The following NRAP variants were observed in gnomAD, a reference collection of about 807,000 sequenced individuals.
NRAP encodes the protein nebulin-related-anchoring protein.
A neutral mutation model predicts 225.9 loss-of-function variants in NRAP; 189 were observed. The observed-to-expected ratio is 0.84, with a 90% CI of 0.74 to 0.94. The LOEUF is 0.94. NRAP is among the 40% of genes least tolerant of loss of function. The pLI is 0.00. For missense variants in NRAP, 2,176 were observed against 2,168.7 expected (o/e 1.00, Z -0.07); for synonymous variants, 769 against 790.7 (o/e 0.97, Z 0.46).
At chr10:113,591,346 T>C (rs10885479) in intron 39 of NRAP, among the ~76,000 whole-genome samples, 39,126 of 152,168 alleles carry the variant, frequency 0.26, 5,269 homozygotes, top group East Asian at 0.45. Flanking sequence ...CAGTCCCATT[T>C]TGATTTGCTT....
Position 113,634,154 on chromosome 10 carries a change from T to C in NRAP, c.1485A>G (p.Pro495=), listed in dbSNP as rs766487558. 2 of 1,613,954 alleles carry C rather than the reference T, an allele frequency of 1.2e-6. No individual in the cohort carries two copies. Among genetic ancestry groups the C allele is most frequent in the Non-Finnish European group, 8.5e-7 (1 of 1,179,876 alleles). ...CATTGATTTTGGCTTGAACAATCTG[T>C]GGGGTGTCAGTCACCGAGCTGTACT... ...KLKYSSVTDT[P]QIVQAKINAQ... Residue 495 remains proline, a synonymous_variant, in exon 15 of 42, where the codon CCA becomes CCG. Transcript: ENST00000359988.
At chr10:113,658,155 T>C (rs1564765239) in intron 3 of NRAP, among the ~76,000 whole-genome samples, 1 of 152,222 alleles carries the variant, frequency 6.6e-6, no homozygotes, top group South Asian at 2.1e-4. Flanking sequence ...GTAAGTCAAG[T>C]GACCATATAC....
At chr10:113,641,243 CTT>C (rs1384755984) in intron 13 of NRAP, 120 bp downstream of exon 13, 16 of 637,656 alleles carry the variant, frequency 2.5e-5, no homozygotes, top group Non-Finnish European at 3.8e-5. Context: ...TTGGGTCAGT[CTT>C]TACACAGTCT....
intron 17 of NRAP, 97 bp from the exon 18 acceptor site, chr10:113,631,707 A>C (rs548990825): frequency 4.7e-5 from 43 of 921,008 alleles, no homozygotes; most frequent in South Asian, 2.2e-4. Context: ...AATTCTGAAA[A>C]AACACCTCCC....
Position 113,640,294 on chromosome 10 carries a change from T to A in NRAP, c.1361A>T (p.Asp454Val). Residue 454 changes from aspartate to valine, a missense_variant, in exon 14 of 42, where the codon GAC becomes GTC. Physicochemically the swap from Asp to Val is radical, Grantham distance 152 (BLOSUM62 -3). Around this residue, in one of 3 missense-constraint regions of NRAP, gnomAD observed 1,708 missense variants for 1,695.5 expected, o/e 1.01. Coordinates refer to ENST00000359988, the MANE Select transcript of NRAP (RefSeq NM_198060.4). ...YKADYKHDIV[D>V]YNYPATLTPS... ...CGTGAGAGTGGCTGGGTAGTTGTAG[T>A]CGACAATATCATGTTTATAATCAGC... 6.2e-7 allele frequency: 1 copy of A among 1,602,098 alleles called. No individual in the cohort carries two copies.
intron 21 of NRAP, among the ~76,000 whole-genome samples, 192 bp from the exon 22 acceptor site, chr10:113,625,122 G>A (rs1186689574): frequency 6.6e-6 from 1 of 152,152 alleles, no homozygotes; most frequent in African/African-American, 2.4e-5. Context: ...AAGCAGTGGG[G>A]AGGAGCTGGG....
chr10:113,590,712 C>G lies in NRAP; in HGVS notation c.4822G>C (p.Gly1608Arg), dbSNP rs758527572. ...TGGCTCCTCTTGGCCTGAAGGAGGC[C>G]GGGCTGGTCTGTGCTGCTGTGAAAC... is the stretch of plus-strand genomic sequence containing the variant. ...SQFHSSTDQP[G>R]LLQAKRSQQL... Residue 1608 changes from glycine to arginine, a missense_variant, in exon 40 of 42, where the codon GGC becomes CGC. Physicochemically the swap from Gly to Arg is moderately radical, Grantham distance 125. Around this residue, in one of 3 missense-constraint regions of NRAP, gnomAD observed 445 missense variants for 426.1 expected, o/e 1.04. Transcript: ENST00000359988. 2 of 1,614,036 alleles carry G rather than the reference C, an allele frequency of 1.2e-6. No individual in the cohort carries two copies. Among genetic ancestry groups the G allele is most frequent in the Non-Finnish European group, 1.7e-6 (2 of 1,180,036 alleles).
chr10:113,649,181 C>T (rs926395911), intron 9 of NRAP, among the ~76,000 whole-genome samples: 10 of 152,226 alleles, frequency 6.6e-5, no homozygotes, highest in Non-Finnish European at 1.3e-4. Context: ...AACCGACCTT[C>T]ACACACATCC....
At chr10:113,622,573 C>T (rs972956057) in intron 23 of NRAP, among the ~76,000 whole-genome samples, 4 of 152,000 alleles carry the variant, frequency 2.6e-5, no homozygotes, top group Admixed American at 6.6e-5. Context: ...AACACTAGGT[C>T]GAGAGTAACA....
intron 14 of NRAP, among the ~76,000 whole-genome samples, chr10:113,639,000 G>A (rs1174653084): frequency 6.6e-6 from 1 of 150,926 alleles, no homozygotes; most frequent in Non-Finnish European, 1.5e-5. Flanking sequence ...CTACTTATTA[G>A]GCATGATTTA....
intron 8 of NRAP, 80 bp downstream of exon 8, chr10:113,650,358 C>A: frequency 9.4e-7 from 1 of 1,060,536 alleles, no homozygotes; most frequent in South Asian, 1.3e-5. Flanking sequence ...ATGCAAAAGT[C>A]AACAGGAAGT....
chr10:113,616,238 G>A (rs148961761), intron 26 of NRAP, among the ~76,000 whole-genome samples: 8 of 152,172 alleles, frequency 5.3e-5, no homozygotes, highest in South Asian at 2.1e-4. Context: ...CCGTTCCCCC[G>A]TCTCAAATAT....
intron 14 of NRAP, among the ~76,000 whole-genome samples, 179 bp downstream of exon 14, chr10:113,640,048 C>T (rs781697224): frequency 2.6e-5 from 4 of 152,154 alleles, no homozygotes; most frequent in Admixed American, 6.5e-5. Context: ...TAAGGGTGTG[C>T]AAACATGCAT....
At chr10:113,618,908 T>C (rs534221591) in intron 25 of NRAP, among the ~76,000 whole-genome samples, 1 of 152,234 alleles carries the variant, frequency 6.6e-6, no homozygotes, top group South Asian at 2.1e-4. Context: ...ATCACTCCAC[T>C]GCACTCCAGC....
At position 113,620,724 on chromosome 10, in the gene NRAP, G is replaced by C. The variant is rs879243613; in HGVS notation, c.2770-16C>G. ...TGTATTGGTTCTGACAAAGGAGAAA[G>C]AAAAAAAAAAAAAGCAGGCCATTGT... On this transcript the variant is annotated splice_polypyrimidine_tract_variant and intron_variant, in intron 24 of 41. Transcript: ENST00000359988. 1 of 1,214,886 alleles carries C rather than the reference G, an allele frequency of 8.2e-7. No individual in the cohort carries two copies. Among genetic ancestry groups the C allele is most frequent in the Non-Finnish European group, 1.1e-6 (1 of 870,764 alleles). The allele number at this position is 1,214,886 out of a possible 1,614,324, so 75.3% of individuals were successfully genotyped here.
chr10:113,593,483 C>G (rs1449600330), intron 38 of NRAP, among the ~76,000 whole-genome samples: 5 of 152,330 alleles, frequency 3.3e-5, no homozygotes, highest in Non-Finnish European at 7.3e-5. Context: ...TCGCCTCTGA[C>G]TCCAACACCC....
At chr10:113,647,292 GA>G (rs1434986753) in intron 9 of NRAP, among the ~76,000 whole-genome samples, 1 of 152,100 alleles carries the variant, frequency 6.6e-6, no homozygotes, top group African/African-American at 2.4e-5. Flanking sequence ...AGATAAATCA[GA>G]CACTCTACCA....
rs990662717 is a variant in NRAP, at chr10:113,615,402, C to A, written c.3078+310G>T. Among the ~76,000 whole-genome samples, 9 of 152,134 alleles carry A rather than the reference C, an allele frequency of 5.9e-5. No individual in the cohort carries two copies. In the South Asian group the frequency reaches 1.0e-3, roughly 17 times the overall value. ...TCCCTTGGTATAGCCACTGGATATA[C>A]TCAGCTATATTCTGATGTTCCCACT... On this transcript the variant is annotated intron_variant, in intron 27 of 41. Coordinates refer to ENST00000359988, the MANE Select transcript of NRAP (RefSeq NM_198060.4).
Position 113,624,823 on chromosome 10 carries a change from T to C in NRAP, c.2349+3A>G. On this transcript the variant is annotated splice_donor_region_variant and intron_variant, in intron 22 of 41. Transcript: ENST00000359988. ...TCTTGCTGCCCACTCATTCTCTCTG[T>C]ACCTCGCTGAGATTTGCAGCATTGG... 6.2e-7 allele frequency: 1 copy of C among 1,610,566 alleles called. No homozygotes were observed. The highest frequency in any genetic ancestry group is 8.5e-7 in the Non-Finnish European group (1 of 1,176,734).
Sources: gnomAD v4.1 joint callset for allele counts (sites outside exome capture counted in the v4.1 genomes callset) on GRCh38, gnomAD v4.1.1 for gene constraint, gnomAD v4.1.1 regional missense constraint, MANE v1.5 for transcripts, NCBI Gene and HGNC (gene_info 2026-07-23, HGNC 2026-07-21) for gene names.